The following CHRNA4 variants were observed in gnomAD, a reference collection of about 807,000 sequenced individuals.
CHRNA4 encodes cholinergic receptor nicotinic alpha 4 subunit, also known as neuronal acetylcholine receptor subunit alpha-4.
CHRNA4 carries 28 observed loss-of-function variants against 48.9 expected under a neutral mutation model. The observed-to-expected ratio is 0.57, with a 90% confidence interval of 0.42 to 0.79. CHRNA4 has a LOEUF of 0.79. Among genes scored for constraint, CHRNA4 ranks in the 30% least tolerant of loss-of-function variants. The pLI, the probability that CHRNA4 is intolerant of heterozygous loss-of-function variation, is 0.00. For synonymous variants in CHRNA4, 425 were observed against 402.3 expected (o/e 1.06, Z -0.68); for missense variants, 859 against 898.4 (o/e 0.96, Z 0.56).
chr20:63,360,906 C>T, intron 1 of CHRNA4, 184 bp downstream of exon 1: 1 of 466,958 alleles, frequency 2.1e-6, no homozygotes, highest in Non-Finnish European at 3.6e-6. Context: ...ACTCCCTCCT[C>T]GCCTGGCTCA....
chr20:63,353,465 AGGGGGGCTGTGGTCCTG>A (rs1210418630), intron 4 of CHRNA4, among the ~76,000 whole-genome samples: 1 of 35,086 alleles, frequency 2.9e-5, no homozygotes, highest in Non-Finnish European at 5.7e-5. Flanking sequence ...CTGTGGTCCT[AGGGGGGCTGTGGTCCTG>A]GGGGGGCTGT....
Position 63,351,021 on chromosome 20 carries a change from G to A in CHRNA4, c.390C>T (p.Asp130=), listed in dbSNP as rs375014053. The A allele has an allele frequency of 2.7e-5, 44 of 1,612,182 alleles. No homozygotes were observed. The highest frequency in any genetic ancestry group is 3.3e-5 in the Non-Finnish European group (39 of 1,179,728). The change falls in exon 5 of 6, where the codon GAC becomes GAT. Residue 130 remains aspartate (D), a synonymous_variant. Transcript: ENST00000370263. Reference sequence around the variant, plus strand: ...TCAGGTGGGTGACCGCGAAGTCCCCGTCAGCACTGGGCAGGAAGAGAGCGA... The same window carrying A: ...TCAGGTGGGTGACCGCGAAGTCCCCATCAGCACTGGGCAGGAAGAGAGCGA... ...RPDIVLYNNA[D]GDFAVTHLTK...
Position 63,359,653 on chromosome 20 carries a change from C to G in CHRNA4, c.123G>C (p.Leu41=), listed in dbSNP as rs747056512. The change falls in exon 2 of 6, where the codon CTG becomes CTC. Residue 41 remains leucine, a synonymous_variant. Transcript: ENST00000370263. ...TGTTGTAACCGGAGAAGAGTTTCTTCAGGAGCCGCTCCTCGGCGTGGGCCC... is the reference window on the plus strand; with the variant it reads ...TGTTGTAACCGGAGAAGAGTTTCTTGAGGAGCCGCTCCTCGGCGTGGGCCC... ...ETRAHAEERL[L]KKLFSGYNKW... The G allele has an allele frequency of 6.2e-7, 1 of 1,612,296 alleles. No individual in the cohort carries two copies. Among genetic ancestry groups the G allele is most frequent in the Admixed American group, 1.7e-5 (1 of 60,034 alleles).
At chr20:63,357,195 GGACCACA>G (rs1219286001) in intron 2 of CHRNA4, among the ~76,000 whole-genome samples, 384 of 13,178 alleles carry the variant, frequency 0.029, 4 homozygotes, top group East Asian at 0.19. Context: ...ACAACCCACA[GGACCACA>G]TCTCCACTGA....
rs1033710317 is a variant in CHRNA4, at chr20:63,350,088, G to C, written c.1323C>G (p.Ser441Arg). 1.3e-6 allele frequency: 2 copies of C among 1,526,486 alleles called. No individual in the cohort carries two copies. The highest frequency in any genetic ancestry group is 2.7e-5 in the African/African-American group (2 of 73,078). 94.6% of individuals were successfully genotyped at this position (1,526,486 alleles called of 1,614,324 possible). Residue 441 changes from serine to arginine, a missense_variant, in exon 5 of 6, where the codon AGC becomes AGG. Physicochemically the swap from Ser to Arg is moderately radical, Grantham distance 110. Transcript: ENST00000370263. ...GGCAGGGTCCAGGCGAGGGGTGGGGGCTGGCTTTCTCAGCTTCCAGGGGCT... is the reference window on the plus strand; with the variant it reads ...GGCAGGGTCCAGGCGAGGGGTGGGGCCTGGCTTTCTCAGCTTCCAGGGGCT... Reference protein sequence around the residue: ...PQQPLEAEKASPHPSPGPCRP... With the variant: ...PQQPLEAEKARPHPSPGPCRP...
intron 4 of CHRNA4, 179 bp downstream of exon 4, chr20:63,355,796 A>G (rs2068707481): frequency 6.3e-6 from 6 of 953,268 alleles, no homozygotes; most frequent in South Asian, 1.5e-5. Context: ...ACCCACACCA[A>G]TTTCTCCATT....
At position 63,345,586 on chromosome 20, in the gene CHRNA4, C is replaced by A; in HGVS notation, c.*1152G>T. The stretch of plus-strand genomic sequence containing the variant: ...GTGAGGCTGTGCTGAGCTCTGCCTG[C>A]CCTGCCAGGACGGAGGGCATGGGCC... On this transcript the variant is annotated 3_prime_UTR_variant, in exon 6 of 6. Transcript: ENST00000370263. This position sits in a 1 kb window ranked among gnomAD's most constrained non-coding sequence, Gnocchi z 5.4. The A allele has an allele frequency of 2.2e-6, 1 of 446,918 alleles. No individual in the cohort carries two copies. The highest frequency in any genetic ancestry group is 4.5e-6 in the Non-Finnish European group (1 of 221,102). 27.7% of individuals were successfully genotyped at this position (446,918 alleles called of 1,614,324 possible).
chr20:63,347,059 G>T (rs538150310), intron 5 of CHRNA4, 196 bp from the exon 6 acceptor site: 20 of 735,242 alleles, frequency 2.7e-5, no homozygotes, highest in African/African-American at 2.1e-4. Flanking sequence ...AGTGCTCTGC[G>T]GGGGGCATCA....
chr20:63,347,484 C>G (rs554085663), intron 5 of CHRNA4, among the ~76,000 whole-genome samples: 1 of 152,206 alleles, frequency 6.6e-6, no homozygotes, highest in Non-Finnish European at 1.5e-5. Context: ...GCTCCAGGTC[C>G]GGCTTCTAAC....
chr20:63,355,688 T>C (rs2068706077), intron 4 of CHRNA4: 1 of 964,038 alleles, frequency 1.0e-6, no homozygotes, highest in Non-Finnish European at 1.5e-6. Context: ...CCAGGTGCCA[T>C]AGCCACTCTC....
Position 63,351,060 on chromosome 20 carries a change from C to T in CHRNA4, c.384-33G>A, listed in dbSNP as rs200486207. 16 of 1,601,982 alleles carry T rather than the reference C, an allele frequency of 1.0e-5. No individual in the cohort carries two copies. The African/African-American group carries it at 1.3e-4, about 13-fold the overall frequency. ...GGAAGAGAGCGAAGGGTGTGAGACC[C>T]CCACATCCATGCCCACGTCCACACC... On this transcript the variant is annotated intron_variant, in intron 4 of 5. Coordinates refer to ENST00000370263, the MANE Select transcript of CHRNA4 (RefSeq NM_000744.7).
chr20:63,351,791 G>C (rs2068619911), intron 4 of CHRNA4, among the ~76,000 whole-genome samples: 1 of 152,238 alleles, frequency 6.6e-6, no homozygotes. Context: ...CACAGGCCCA[G>C]GTGGGCAACA....
chr20:63,348,727 C>T (rs2068534535), intron 5 of CHRNA4, among the ~76,000 whole-genome samples: 1 of 152,202 alleles, frequency 6.6e-6, no homozygotes, highest in Non-Finnish European at 1.5e-5. Flanking sequence ...AGGCCGAGAC[C>T]CCCGGCCACC....
intron 1 of CHRNA4, 156 bp downstream of exon 1, chr20:63,360,934 G>T: frequency 3.4e-6 from 2 of 580,080 alleles, no homozygotes; most frequent in Non-Finnish European, 5.3e-6. Flanking sequence ...TGCGAGCGCA[G>T]CCTGTGCGGC....
chr20:63,356,213 C>T, intron 3 of CHRNA4, 129 bp from the exon 4 acceptor site: 2 of 469,056 alleles, frequency 4.3e-6, no homozygotes, highest in South Asian at 3.9e-5. Context: ...TGAGGGAGGG[C>T]AGGGGCGGGA....
chr20:63,359,097 T>C (rs996255649), intron 2 of CHRNA4, among the ~76,000 whole-genome samples: 39 of 152,234 alleles, frequency 2.6e-4, no homozygotes, highest in Admixed American at 1.0e-3. Flanking sequence ...AAACCCCACA[T>C]TCCAGATCTG....
In CHRNA4 at chr20:63,346,520, A is replaced by C. The variant is rs192006981; in HGVS notation, c.*218T>G. 243 of 729,728 alleles carry C rather than the reference A, an allele frequency of 3.3e-4. 1 individual carries two copies. In the African/African-American group the frequency reaches 4.0e-3, roughly 12 times the overall value. The allele number at this position is 729,728 out of a possible 1,614,324, so 45.2% of individuals were successfully genotyped here. On this transcript the variant is annotated 3_prime_UTR_variant, in exon 6 of 6. Transcript: ENST00000370263. ...CTCTGCTCCAAGCCACTGCCTCCTG[A>C]GGCCACAGTCCAACTGGAAGCAGCT...
At position 63,350,682 on chromosome 20, in the gene CHRNA4, C is replaced by G. The variant is rs121912253; in HGVS notation, c.729G>C (p.Pro243=). ...ITYAFVIRRL[P]LFYTINLIIP... is the part of the protein sequence containing the mutation. ...TGATGAGGTTGATGGTGTAGAAGAG[C>G]GGCAGCCGCCGGATGACGAAGGCAT... Residue 243 remains proline (P), a synonymous_variant, in exon 5 of 6, where the codon CCG becomes CCC. Coordinates refer to ENST00000370263, the MANE Select transcript of CHRNA4 (RefSeq NM_000744.7). 3 of 1,613,758 alleles carry G rather than the reference C, an allele frequency of 1.9e-6. No homozygotes were observed. Among genetic ancestry groups the G allele is most frequent in the Admixed American group, 3.3e-5 (2 of 59,996 alleles).
At chr20:63,355,255 T>C (rs2068699634) in intron 4 of CHRNA4, 1 of 349,324 alleles carries the variant, frequency 2.9e-6, no homozygotes, top group African/African-American at 2.1e-5. Context: ...GACAGCAGCC[T>C]CCGGAGGCCA....
Sources: allele counts gnomAD v4.1 joint callset (sites outside exome capture counted in the v4.1 genomes callset), GRCh38; gene constraint gnomAD v4.1.1; non-coding constraint Gnocchi (gnomAD v3.1); transcripts MANE v1.5; gene names NCBI Gene and HGNC (gene_info 2026-07-23, HGNC 2026-07-21).